Variants in MED20 observed in about 807,000 individuals in gnomAD.
The protein encoded by MED20 is mediator of RNA polymerase II transcription subunit 20.
MED20 carries 19 observed loss-of-function variants against 19.7 expected under a neutral mutation model. The ratio of observed to expected loss-of-function variants is 0.96; its 90% CI spans 0.67 to 1.42. MED20 has a LOEUF of 1.42. MED20 is among the 40% of genes most tolerant of loss of function. The pLI is 0.00. For missense variants in MED20, 225 were observed against 273.0 expected, an observed-to-expected ratio of 0.82 and a Z score of 1.24; for synonymous variants, 105 against 104.8, an observed-to-expected ratio of 1.00 and a Z score of -0.01.
At chr6:41,909,195 C>T in intron 3 of MED20, 74 bp downstream of exon 3, 1 of 1,495,700 alleles carries the variant, frequency 6.7e-7, no homozygotes, top group South Asian at 1.3e-5. Flanking sequence ...AAGAGAAGAA[C>T]TGGAAAATCT....
chr6:41,917,822 A>T (rs1369070260), intron 1 of MED20: 1 of 470,178 alleles, frequency 2.1e-6, no homozygotes, highest in Middle Eastern at 3.2e-4. Flanking sequence ...GCTGTTCAGC[A>T]CAGTAGCCCA....
chr6:41,907,321 T>C (rs748060317), intron 3 of MED20, 34 bp from the exon 4 acceptor site: 11 of 1,573,896 alleles, frequency 7.0e-6, no homozygotes, highest in East Asian at 2.3e-5. Flanking sequence ...TGAGGGTGAA[T>C]GAAGGCTAAG....
At chr6:41,917,913 AGCCCTAG>A (rs1455966851) in intron 1 of MED20, 2 of 348,246 alleles carry the variant, frequency 5.7e-6, no homozygotes, top group Admixed American at 3.5e-5. Flanking sequence ...GCTATTCAAC[AGCCCTAG>A]GAACAAAAAA....
In MED20 at chr6:41,907,059, C is replaced by T. The variant is rs373907848; in HGVS notation, c.*13G>A. The T allele has an allele frequency of 8.1e-6, 13 of 1,611,546 alleles. No individual in the cohort carries two copies. In the South Asian group the frequency reaches 9.9e-5, roughly 12 times the overall value. On this transcript the variant is annotated 3_prime_UTR_variant, in exon 4 of 4. Coordinates refer to ENST00000265350, the MANE Select transcript of MED20 (RefSeq NM_004275.5). ...ACCCCTGGTGACAGAGCTCAGCTGG[C>T]AGCTGCTCATCACTAACGAATCCCA...
chr6:41,914,305 G>A (rs193296351), intron 2 of MED20, among the ~76,000 whole-genome samples: 37 of 152,318 alleles, frequency 2.4e-4, no homozygotes, highest in Admixed American at 2.4e-3. Context: ...GGAACACTGT[G>A]GGCTTCCTTT....
At chr6:41,918,155 C>T (rs1410927999) in intron 1 of MED20, among the ~76,000 whole-genome samples, 2 of 152,200 alleles carry the variant, frequency 1.3e-5, no homozygotes, top group African/African-American at 2.4e-5. Flanking sequence ...GATGAATTAA[C>T]TCTCCAAATC....
intron 1 of MED20, among the ~76,000 whole-genome samples, chr6:41,917,174 G>A (rs1775335741): frequency 6.6e-6 from 1 of 152,102 alleles, no homozygotes; most frequent in Non-Finnish European, 1.5e-5. Context: ...GGTCAAGGCG[G>A]GTGGATCACG....
chr6:41,917,081 G>C (rs1775333921), intron 1 of MED20, 142 bp from the exon 2 acceptor site: 1 of 828,726 alleles, frequency 1.2e-6, no homozygotes, highest in Non-Finnish European at 1.7e-6. Context: ...CCCAATCCCT[G>C]CAACTTTATT....
chr6:41,918,804 G>T (rs1398321743), intron 1 of MED20, among the ~76,000 whole-genome samples: 1 of 149,152 alleles, frequency 6.7e-6, no homozygotes, highest in African/African-American at 2.5e-5. Flanking sequence ...AAAATTAGCC[G>T]GGCGCGGTGG....
At chr6:41,913,131 G>C (rs1232108299) in intron 2 of MED20, 1 of 152,176 alleles carries the variant, frequency 6.6e-6, no homozygotes, top group Non-Finnish European at 1.5e-5. Context: ...AAAAGGTGGG[G>C]GGAAATGCAA....
In MED20 at chr6:41,905,742, G is replaced by T; in HGVS notation, c.*1330C>A. ...GGCAGGCAATATGACCAAATATGTAGTTTGGAGGCTCAAATGAAACAGGAG... is the reference window on the plus strand; with the variant it reads ...GGCAGGCAATATGACCAAATATGTATTTTGGAGGCTCAAATGAAACAGGAG... On this transcript the variant is annotated 3_prime_UTR_variant, in exon 4 of 4. Coordinates refer to ENST00000265350, the MANE Select transcript of MED20 (RefSeq NM_004275.5). 1 of 152,354 alleles carries T rather than the reference G, an allele frequency of 6.6e-6. No individual in the cohort carries two copies. The highest frequency in any genetic ancestry group is 1.5e-5 in the Non-Finnish European group (1 of 68,054). The allele number at this position is 152,354 out of a possible 1,614,324, so 9.4% of individuals were successfully genotyped here. A position where few individuals can be genotyped will look rare whatever the true frequency, so the allele number is the denominator to read the frequency against.
At chr6:41,914,204 G>A (rs1301294681) in intron 2 of MED20, among the ~76,000 whole-genome samples, 1 of 152,176 alleles carries the variant, frequency 6.6e-6, no homozygotes, top group Non-Finnish European at 1.5e-5. Context: ...GCTGTTGTCG[G>A]AGGCAGGAAT....
In MED20 at chr6:41,906,789, G is replaced by A. The variant is rs1394459497; in HGVS notation, c.*283C>T. 2 of 405,180 alleles carry A rather than the reference G, an allele frequency of 4.9e-6. No individual in the cohort carries two copies. The highest frequency in any genetic ancestry group is 9.1e-6 in the Non-Finnish European group (2 of 220,640). The allele number at this position is 405,180 out of a possible 1,614,324, so 25.1% of individuals were successfully genotyped here. ...TTCCTGTCCTACCTTTCCCCTAAAG[G>A]AGGCAAGGTCCAAACTTCTCCACTC... On this transcript the variant is annotated 3_prime_UTR_variant, in exon 4 of 4. Transcript: ENST00000265350.
intron 2 of MED20, 145 bp from the exon 3 acceptor site, chr6:41,909,667 T>C (rs1775144220): frequency 1.6e-6 from 2 of 1,216,562 alleles, no homozygotes; most frequent in Admixed American, 5.0e-5. Flanking sequence ...GGGAATCCTC[T>C]CACTGACAGC....
Position 41,906,839 on chromosome 6 carries a change from A to G in MED20, c.*233T>C. 1.9e-6 allele frequency: 1 copy of G among 527,386 alleles called. No homozygotes were observed. The allele number at this position is 527,386 out of a possible 1,614,324, so 32.7% of individuals were successfully genotyped here. On this transcript the variant is annotated 3_prime_UTR_variant, in exon 4 of 4. Transcript: ENST00000265350. ...CTTCATAATTACCATTCTTGAGGAC[A>G]GGCCAAATCCAGTAAGGCACGGAGT...
intron 2 of MED20, among the ~76,000 whole-genome samples, chr6:41,916,367 G>A (rs1439968715): frequency 6.6e-6 from 1 of 152,124 alleles, no homozygotes; most frequent in Non-Finnish European, 1.5e-5. Context: ...ATCACCTGAG[G>A]TCGGGAGTTC....
At chr6:41,907,664 G>C (rs536764402) in intron 3 of MED20, among the ~76,000 whole-genome samples, 6 of 152,074 alleles carry the variant, frequency 3.9e-5, no homozygotes, top group African/African-American at 1.4e-4. Context: ...ATGTGTGTGG[G>C]GGTGGTAAGT....
chr6:41,913,612 AT>A (rs1427474323), intron 2 of MED20, among the ~76,000 whole-genome samples: 1 of 152,230 alleles, frequency 6.6e-6, no homozygotes, highest in African/African-American at 2.4e-5. Flanking sequence ...TAAATATTAC[AT>A]GACAGGCTGG....
intron 1 of MED20, among the ~76,000 whole-genome samples, chr6:41,920,217 G>A (rs1053402288): frequency 2.0e-5 from 3 of 152,112 alleles, no homozygotes; most frequent in Non-Finnish European, 4.4e-5. Flanking sequence ...AGTGGGAAAC[G>A]GGTCCTAAAG....
Sources: allele counts gnomAD v4.1 joint callset (sites outside exome capture counted in the v4.1 genomes callset), GRCh38; gene constraint gnomAD v4.1.1; transcripts MANE v1.5; gene names NCBI Gene and HGNC (gene_info 2026-07-23, HGNC 2026-07-21).